AP3B1: variants seen among roughly 807,000 people sequenced by gnomAD.
AP3B1 encodes the protein adaptor related protein complex 3 subunit beta 1.
In AP3B1, 61 loss-of-function variants were observed where a neutral mutation model predicts 132.5. The ratio of observed to expected loss-of-function variants is 0.46; its 90% CI spans 0.37 to 0.57. The LOEUF is 0.57. AP3B1 is among the 20% of genes least tolerant of loss of function. The probability of loss-of-function intolerance (pLI) is 0.00; values close to 1 mark genes in which losing one functional copy is unlikely to be tolerated. For synonymous variants in AP3B1, 388 were observed against 438.3 expected (o/e 0.89, Z 1.43); for missense variants, 1,120 against 1,289.4 (o/e 0.87, Z 2.01).
intron 15 of AP3B1, among the ~76,000 whole-genome samples, chr5:78,130,986 A>G (rs570513740): frequency 6.6e-6 from 1 of 152,008 alleles, no homozygotes; most frequent in East Asian, 1.9e-4. Flanking sequence ...GGGCATTTAA[A>G]GTAATTAAAA....
chr5:78,098,939 TTTGTG>T (rs1476784270), intron 21 of AP3B1, among the ~76,000 whole-genome samples: 21 of 152,006 alleles, frequency 1.4e-4, no homozygotes, highest in Non-Finnish European at 2.1e-4. Context: ...AACAAGAAGG[TTTGTG>T]CTATGGTCTG....
intron 1 of AP3B1, among the ~76,000 whole-genome samples, chr5:78,281,129 T>C (rs1479466592): frequency 6.6e-6 from 1 of 152,186 alleles, no homozygotes; most frequent in African/African-American, 2.4e-5. Context: ...TTTTAAAGTA[T>C]GCTATCACTT....
chr5:78,075,954 C>G (rs559293445), intron 22 of AP3B1, among the ~76,000 whole-genome samples: 2 of 152,322 alleles, frequency 1.3e-5, no homozygotes, highest in South Asian at 4.1e-4. Context: ...CATCCTTCTA[C>G]TTCTTGCTAA....
chr5:78,200,908 T>G (rs1402060772), intron 7 of AP3B1, among the ~76,000 whole-genome samples: 4 of 152,098 alleles, frequency 2.6e-5, no homozygotes, highest in African/African-American at 9.7e-5. Context: ...ATGACTATAT[T>G]TGGAGACAGG....
chr5:78,262,112 T>C (rs1748120337), intron 2 of AP3B1, among the ~76,000 whole-genome samples: 1 of 152,220 alleles, frequency 6.6e-6, no homozygotes, highest in Admixed American at 6.5e-5. Context: ...GTTCTTTATA[T>C]ATTCTGGATA....
chr5:78,005,438 G>C (rs1012662404), intron 26 of AP3B1, among the ~76,000 whole-genome samples: 2 of 152,150 alleles, frequency 1.3e-5, no homozygotes, highest in African/African-American at 4.8e-5. Flanking sequence ...TTTGGTGTCA[G>C]TATGTTGACA....
chr5:78,281,864 C>A (rs181542224), intron 1 of AP3B1, among the ~76,000 whole-genome samples: 6 of 151,996 alleles, frequency 3.9e-5, no homozygotes, highest in Admixed American at 3.3e-4. Context: ...CACTGAACTG[C>A]ACACTTAACA....
intron 1 of AP3B1, among the ~76,000 whole-genome samples, chr5:78,268,634 G>A (rs1036990854): frequency 2.6e-5 from 4 of 152,080 alleles, no homozygotes; most frequent in East Asian, 1.9e-4. Context: ...AGTCTTACTC[G>A]TAAACTAATG....
intron 1 of AP3B1, among the ~76,000 whole-genome samples, chr5:78,278,135 T>C (rs935771663): frequency 1.3e-5 from 2 of 152,182 alleles, no homozygotes; most frequent in Admixed American, 6.5e-5. Context: ...TGGTTTACAG[T>C]GTTTTTAAAC....
chr5:78,138,248 T>C (rs1752996337), intron 15 of AP3B1, among the ~76,000 whole-genome samples: 1 of 152,062 alleles, frequency 6.6e-6, no homozygotes, highest in African/African-American at 2.4e-5. Context: ...AGCGGATCAC[T>C]TGAGGTCATG....
intron 22 of AP3B1, chr5:78,041,876 C>T (rs1010846982): frequency 1.4e-4 from 25 of 177,400 alleles, no homozygotes; most frequent in African/African-American, 5.0e-4. Context: ...TGCAGTGGTG[C>T]GATCTCAGCT....
chr5:78,241,702 A>C (rs967132773), intron 2 of AP3B1, among the ~76,000 whole-genome samples: 20 of 152,340 alleles, frequency 1.3e-4, no homozygotes, highest in Admixed American at 2.6e-4. Flanking sequence ...CTAAGATTTC[A>C]TTCACCGTTA....
chr5:78,119,923 T>C (rs2112276501), intron 17 of AP3B1, among the ~76,000 whole-genome samples: 1 of 152,196 alleles, frequency 6.6e-6, no homozygotes, highest in Non-Finnish European at 1.5e-5. Context: ...GGAAAAAACG[T>C]TAAGGGCAGC....
At chr5:78,294,207 A>G (rs1195959515) in intron 1 of AP3B1, among the ~76,000 whole-genome samples, 1 of 152,148 alleles carries the variant, frequency 6.6e-6, no homozygotes, top group East Asian at 1.9e-4. Context: ...AAGCTCACCA[A>G]GTGGTTTCCT....
At chr5:78,130,169 T>C (rs910925810) in intron 15 of AP3B1, among the ~76,000 whole-genome samples, 7 of 152,090 alleles carry the variant, frequency 4.6e-5, no homozygotes, top group Non-Finnish European at 8.8e-5. Flanking sequence ...GTTATTTTAT[T>C]GAAAAAGCAT....
At chr5:78,081,840 G>A (rs1750022799) in intron 22 of AP3B1, among the ~76,000 whole-genome samples, 1 of 151,704 alleles carries the variant, frequency 6.6e-6, no homozygotes, top group Non-Finnish European at 1.5e-5. Context: ...GAAAAATTAT[G>A]AAATCAATCC....
At chr5:78,039,305 G>A (rs769108487) in intron 22 of AP3B1, 31 bp from the exon 23 acceptor site, 10 of 1,500,834 alleles carry the variant, frequency 6.7e-6, no homozygotes, top group Non-Finnish European at 9.3e-6. Flanking sequence ...AAAAAAAGAT[G>A]AGTTAGTGAA....
chr5:78,128,491 G>C (rs1408423626), intron 16 of AP3B1, among the ~76,000 whole-genome samples: 1 of 152,046 alleles, frequency 6.6e-6, no homozygotes, highest in Non-Finnish European at 1.5e-5. Flanking sequence ...AACACATCCA[G>C]AATTTTAATA....
chr5:78,124,659 T>C (rs1048528698), intron 17 of AP3B1, among the ~76,000 whole-genome samples: 1 of 152,204 alleles, frequency 6.6e-6, no homozygotes, highest in Non-Finnish European at 1.5e-5. Flanking sequence ...AGCTTGAATA[T>C]ATTTGAATAA....
Sources: gnomAD v4.1 joint callset for allele counts (sites outside exome capture counted in the v4.1 genomes callset) on GRCh38, gnomAD v4.1.1 for gene constraint, MANE v1.5 for transcripts, NCBI Gene and HGNC (gene_info 2026-07-23, HGNC 2026-07-21) for gene names.